CDH13: variants seen among roughly 807,000 people sequenced by gnomAD.
CDH13 encodes the protein cadherin 13, also known as cadherin-13.
In CDH13, 24 loss-of-function variants were observed where a neutral mutation model predicts 63.8. The ratio of observed to expected loss-of-function variants is 0.38; its 90% CI spans 0.27 to 0.53. The LOEUF is 0.53. Among genes scored for constraint, CDH13 ranks in the 20% least tolerant of loss-of-function variants. The pLI is 0.85. For missense variants in CDH13, 1,049 were observed against 903.1 expected (o/e 1.16, Z -2.07); for synonymous variants, 503 against 355.3 (o/e 1.42, Z -4.67).
intron 5 of CDH13, among the ~76,000 whole-genome samples, chr16:83,330,388 T>G (rs1014021572): frequency 6.6e-6 from 1 of 152,130 alleles, no homozygotes; most frequent in Non-Finnish European, 1.5e-5. Context: ...CAACTGCACG[T>G]GAATAAAAAA....
At chr16:83,000,241 T>A (rs1912741178) in intron 2 of CDH13, among the ~76,000 whole-genome samples, 2 of 118,146 alleles carry the variant, frequency 1.7e-5, no homozygotes, top group African/African-American at 6.4e-5. Context: ...TTTTTTTTTT[T>A]TTTTTTTTTT....
At chr16:83,672,641 T>C (rs565797838) in intron 9 of CDH13, among the ~76,000 whole-genome samples, 1 of 152,034 alleles carries the variant, frequency 6.6e-6, no homozygotes, top group African/African-American at 2.4e-5. Flanking sequence ...GCCAGGCTGG[T>C]CTTGAACTCC....
At chr16:83,683,873 CCTT>C (rs746999396) in intron 10 of CDH13, among the ~76,000 whole-genome samples, 3 of 152,180 alleles carry the variant, frequency 2.0e-5, no homozygotes, top group Non-Finnish European at 4.4e-5. Context: ...TTTAGAAAGT[CCTT>C]CTCCTCTCCA....
At chr16:82,829,840 G>C (rs1421392312) in intron 1 of CDH13, among the ~76,000 whole-genome samples, 1 of 152,108 alleles carries the variant, frequency 6.6e-6, no homozygotes, top group African/African-American at 2.4e-5. Flanking sequence ...GATTCTTAAA[G>C]ATTTGTTTTC....
chr16:83,531,340 G>A (rs2075078065), intron 7 of CDH13, among the ~76,000 whole-genome samples: 1 of 152,180 alleles, frequency 6.6e-6, no homozygotes, highest in South Asian at 2.1e-4. Context: ...AAATAGGAAG[G>A]TGTGTGTGAT....
chr16:83,353,552 C>T (rs1281429412), intron 6 of CDH13, among the ~76,000 whole-genome samples: 2 of 152,238 alleles, frequency 1.3e-5, no homozygotes, highest in Non-Finnish European at 2.9e-5. Context: ...CTGTATGTTT[C>T]TTCTTTAATG....
intron 2 of CDH13, among the ~76,000 whole-genome samples, chr16:82,898,797 G>A (rs1456997177): frequency 6.6e-6 from 1 of 152,178 alleles, no homozygotes; most frequent in Non-Finnish European, 1.5e-5. Flanking sequence ...CAGTTATTTG[G>A]GGCTGGAATT....
intron 1 of CDH13, chr16:82,844,715 C>G (rs1472793241): frequency 7.0e-6 from 1 of 142,448 alleles, no homozygotes; most frequent in Non-Finnish European, 1.5e-5. Context: ...TCTCGGCTCA[C>G]TGTAAGCTCC....
chr16:83,772,392 TA>T (rs146803642), intron 11 of CDH13, among the ~76,000 whole-genome samples: 1,701 of 152,180 alleles, frequency 0.011, 45 homozygotes, highest in African/African-American at 0.039. Flanking sequence ...GGATAAAAAA[TA>T]AGAATTCTTA....
chr16:83,684,045 G>A (rs553929878), intron 10 of CDH13, among the ~76,000 whole-genome samples: 8 of 152,306 alleles, frequency 5.3e-5, no homozygotes, highest in Non-Finnish European at 1.0e-4. Context: ...CTAATGAGGA[G>A]AGGACTTATG....
chr16:83,001,734 A>C (rs1384714171), intron 2 of CDH13, among the ~76,000 whole-genome samples: 1 of 152,220 alleles, frequency 6.6e-6, no homozygotes, highest in Non-Finnish European at 1.5e-5. Context: ...CCCAGAGGAC[A>C]TTTGATGTAA....
chr16:82,892,577 A>T (rs574227110), intron 2 of CDH13, among the ~76,000 whole-genome samples: 1 of 152,230 alleles, frequency 6.6e-6, no homozygotes, highest in African/African-American at 2.4e-5. Context: ...AGTTATTTCA[A>T]TGTACAAATT....
intron 1 of CDH13, among the ~76,000 whole-genome samples, chr16:82,650,824 T>C (rs1003118652): frequency 6.6e-6 from 1 of 152,210 alleles, no homozygotes; most frequent in African/African-American, 2.4e-5. Context: ...CCGGTGAACC[T>C]GGCAGCATAG....
intron 1 of CDH13, among the ~76,000 whole-genome samples, chr16:82,793,488 C>A (rs72805965): frequency 0.021 from 3,188 of 152,182 alleles, 55 homozygotes; most frequent in Non-Finnish European, 0.035. Flanking sequence ...GTTTCATTAT[C>A]CGATTGAGTT....
At chr16:82,760,186 C>T (rs2034778041) in intron 1 of CDH13, among the ~76,000 whole-genome samples, 1 of 152,154 alleles carries the variant, frequency 6.6e-6, no homozygotes, top group Admixed American at 6.5e-5. Context: ...ATAGGCATAT[C>T]TGTGCCAGTT....
At chr16:83,233,733 C>T (rs2040069414) in intron 5 of CDH13, among the ~76,000 whole-genome samples, 1 of 152,150 alleles carries the variant, frequency 6.6e-6, no homozygotes, top group Non-Finnish European at 1.5e-5. Context: ...CTTATGAGTC[C>T]ATTGGGCCCA....
intron 1 of CDH13, among the ~76,000 whole-genome samples, chr16:82,816,291 A>C (rs2037706167): frequency 1.3e-5 from 2 of 152,142 alleles, no homozygotes; most frequent in Admixed American, 6.6e-5. Context: ...TCACTCAGTA[A>C]ATATTTATTG....
chr16:82,982,109 A>G (rs1357016055), intron 2 of CDH13, among the ~76,000 whole-genome samples: 2 of 152,190 alleles, frequency 1.3e-5, no homozygotes, highest in Admixed American at 6.5e-5. Flanking sequence ...ATCTTAGGCA[A>G]TTTATTAGGA....
At chr16:82,825,998 C>G (rs116600518) in intron 1 of CDH13, 1 of 151,906 alleles carries the variant, frequency 6.6e-6, no homozygotes, top group Non-Finnish European at 1.5e-5. Context: ...GGACTACACA[C>G]GCACCCCACC....
Sources: allele counts gnomAD v4.1 joint callset (sites outside exome capture counted in the v4.1 genomes callset), GRCh38; gene constraint gnomAD v4.1.1; transcripts MANE v1.5; gene names NCBI Gene and HGNC (gene_info 2026-07-23, HGNC 2026-07-21).